Variants in PHF14 observed in about 807,000 individuals in gnomAD.
The protein encoded by PHF14 is PHD finger protein 14.
In PHF14, 55 loss-of-function variants were observed where a neutral mutation model predicts 117.9. The ratio of observed to expected loss-of-function variants is 0.47; its 90% confidence interval spans 0.38 to 0.58. The LOEUF is 0.58. Among genes scored for constraint, PHF14 ranks in the 20% least tolerant of loss-of-function variants. PHF14 has a pLI of 0.00. For missense variants in PHF14, 978 were observed against 1,122.2 expected (o/e 0.87, Z 1.84); for synonymous variants, 409 against 368.6 (o/e 1.11, Z -1.26).
chr7:10,981,979 G>C (rs1782058167), intron 2 of PHF14, among the ~76,000 whole-genome samples: 1 of 152,114 alleles, frequency 6.6e-6, no homozygotes, highest in African/African-American at 2.4e-5. Flanking sequence ...AGATGTTTAA[G>C]GGAGGAAGAA....
At chr7:11,166,922 A>G (rs1789218365) in intron 17 of PHF14, among the ~76,000 whole-genome samples, 1 of 152,202 alleles carries the variant, frequency 6.6e-6, no homozygotes, top group Non-Finnish European at 1.5e-5. Context: ...TTTCTAAGAA[A>G]AATTCAACAA....
intron 3 of PHF14, among the ~76,000 whole-genome samples, chr7:10,986,357 T>C (rs76925263): frequency 1.3e-3 from 198 of 151,976 alleles, no homozygotes; most frequent in African/African-American, 4.6e-3. Flanking sequence ...TATTTACCAC[T>C]TCAAATTAAA....
At chr7:11,014,693 T>A (rs1783466300) in intron 5 of PHF14, among the ~76,000 whole-genome samples, 1 of 152,206 alleles carries the variant, frequency 6.6e-6, no homozygotes, top group Non-Finnish European at 1.5e-5. Context: ...CCTCTACCAT[T>A]GAGCTTAGTG....
At chr7:11,164,273 A>G (rs1183809959) in intron 17 of PHF14, among the ~76,000 whole-genome samples, 1 of 152,188 alleles carries the variant, frequency 6.6e-6, no homozygotes, top group African/African-American at 2.4e-5. Context: ...TTATTTCTGG[A>G]AATAGTTTGT....
chr7:11,115,654 C>A (rs1278400359), intron 17 of PHF14, among the ~76,000 whole-genome samples: 1 of 151,880 alleles, frequency 6.6e-6, no homozygotes, highest in African/African-American at 2.4e-5. Flanking sequence ...ACTGTCTGAT[C>A]CTCAGATTTC....
intron 16 of PHF14, chr7:11,062,501 T>TA (rs1469929541): frequency 6.0e-6 from 1 of 165,668 alleles, no homozygotes. Context: ...ACAGACTTTT[T>TA]ATTGACAAGA....
chr7:11,123,109 T>TCA (rs763119112), intron 17 of PHF14, among the ~76,000 whole-genome samples: 1 of 152,078 alleles, frequency 6.6e-6, no homozygotes, highest in African/African-American at 2.4e-5. Context: ...TAGGTTGGTT[T>TCA]CACAGTCTTT....
chr7:11,105,801 A>G, intron 16 of PHF14: 1 of 984,552 alleles, frequency 1.0e-6, no homozygotes, highest in Non-Finnish European at 1.2e-6. Context: ...GATGTAATGT[A>G]ATTGGATGCA....
intron 16 of PHF14, among the ~76,000 whole-genome samples, chr7:11,077,834 T>G (rs1247749673): frequency 1.3e-5 from 2 of 152,144 alleles, no homozygotes; most frequent in Non-Finnish European, 2.9e-5. Context: ...TTTAGTAAGC[T>G]TAGCAAGTAA....
At chr7:10,995,533 A>C (rs188436960) in intron 4 of PHF14, among the ~76,000 whole-genome samples, 553 of 152,338 alleles carry the variant, frequency 3.6e-3, no homozygotes, top group African/African-American at 0.012. Flanking sequence ...GCTGCCCGCC[A>C]GTCCCATGCC....
At chr7:11,134,017 G>A (rs1260060727) in intron 17 of PHF14, among the ~76,000 whole-genome samples, 3 of 151,990 alleles carry the variant, frequency 2.0e-5, no homozygotes, top group Non-Finnish European at 2.9e-5. Context: ...TGACAAATTA[G>A]CCTTCCCACT....
intron 17 of PHF14, among the ~76,000 whole-genome samples, chr7:11,126,307 T>G (rs1787927180): frequency 6.6e-6 from 1 of 152,128 alleles, no homozygotes; most frequent in Non-Finnish European, 1.5e-5. Flanking sequence ...TATTAATTTT[T>G]ACCACTTAAA....
At chr7:11,017,673 A>G (rs1241690822) in intron 5 of PHF14, among the ~76,000 whole-genome samples, 2 of 151,752 alleles carry the variant, frequency 1.3e-5, no homozygotes, top group African/African-American at 4.8e-5. Flanking sequence ...TAGTTGGGTA[A>G]TTTGCAAATA....
chr7:10,986,130 C>G (rs1480475982), intron 3 of PHF14, among the ~76,000 whole-genome samples: 3 of 151,270 alleles, frequency 2.0e-5, no homozygotes, highest in African/African-American at 7.3e-5. Flanking sequence ...CAACGACTGG[C>G]TAATGCTTTT....
intron 14 of PHF14, among the ~76,000 whole-genome samples, chr7:11,056,159 T>C (rs559684167): frequency 2.0e-5 from 3 of 151,304 alleles, no homozygotes; most frequent in Non-Finnish European, 4.4e-5. Flanking sequence ...AGAGATCTAC[T>C]CTGTGGGTGT....
At chr7:11,059,479 T>C (rs1158644909) in intron 14 of PHF14, among the ~76,000 whole-genome samples, 1 of 152,310 alleles carries the variant, frequency 6.6e-6, no homozygotes, top group East Asian at 1.9e-4. Context: ...GAGCATCTTA[T>C]TGAAATGCCC....
intron 16 of PHF14, among the ~76,000 whole-genome samples, chr7:11,075,816 G>A (rs1175620372): frequency 6.6e-6 from 1 of 151,948 alleles, no homozygotes; most frequent in East Asian, 1.9e-4. Context: ...CTGAAGAATA[G>A]AGCTTAAGTA....
Position 11,051,785 on chromosome 7 carries a change from T to C in PHF14, c.2481+5T>C. On this transcript the variant is annotated splice_donor_5th_base_variant and intron_variant, in intron 14 of 17. Transcript: ENST00000634607. ...AAGATTCCGATAAGAAACACGGTAGTTTATTTTTTATTTATCATAAGCATC... is the reference window on the plus strand; with the variant it reads ...AAGATTCCGATAAGAAACACGGTAGCTTATTTTTTATTTATCATAAGCATC... 1 of 1,610,930 alleles carries C rather than the reference T, an allele frequency of 6.2e-7. No individual in the cohort carries two copies. Among genetic ancestry groups the C allele is most frequent in the Non-Finnish European group, 8.5e-7 (1 of 1,178,010 alleles).
chr7:11,021,216 G>A (rs1007903558), intron 5 of PHF14, among the ~76,000 whole-genome samples: 6 of 152,156 alleles, frequency 3.9e-5, no homozygotes, highest in Non-Finnish European at 5.9e-5. Flanking sequence ...TTTATGTGAT[G>A]CTTATTTCCT....
Sources: gnomAD v4.1 joint callset for allele counts (sites outside exome capture counted in the v4.1 genomes callset) on GRCh38, gnomAD v4.1.1 for gene constraint, MANE v1.5 for transcripts, NCBI Gene and HGNC (gene_info 2026-07-23, HGNC 2026-07-21) for gene names.